The following ZMYND11 variants were observed in gnomAD, a reference collection of about 807,000 sequenced individuals.
The protein encoded by ZMYND11 is zinc finger MYND-type containing 11.
Under a neutral mutation model 84.9 loss-of-function variants are expected in ZMYND11, and 9 were observed. That is an observed-to-expected ratio of 0.11 (90% CI 0.06 to 0.18). The LOEUF (loss-of-function observed/expected upper bound fraction) is 0.18, where lower values mean the gene tolerates loss of function less well. Among genes scored for constraint, ZMYND11 ranks in the 10% least tolerant of loss-of-function variants. The pLI, the probability that ZMYND11 is intolerant of heterozygous loss-of-function variation, is 1.00. For synonymous variants in ZMYND11, 250 were observed against 244.1 expected (o/e 1.02, Z -0.23); for missense variants, 409 against 761.0 (o/e 0.54, Z 5.44).
chr10:240,199 G>T (rs1950637214), intron 8 of ZMYND11, 88 bp downstream of exon 8: 5 of 1,192,092 alleles, frequency 4.2e-6, no homozygotes, highest in Admixed American at 2.3e-5. Context: ...TTTTAGTTGT[G>T]CCATTTCCTT....
intron 2 of ZMYND11, among the ~76,000 whole-genome samples, chr10:195,095 C>T (rs560300896): frequency 8.5e-5 from 13 of 152,244 alleles, no homozygotes; most frequent in Admixed American, 6.5e-4. Flanking sequence ...GACTCACAAA[C>T]TGACTTCTGA....
At chr10:184,633 T>G (rs556622850) in intron 2 of ZMYND11, among the ~76,000 whole-genome samples, 1 of 152,340 alleles carries the variant, frequency 6.6e-6, no homozygotes, top group South Asian at 2.1e-4. Context: ...AGACCGTAGA[T>G]TCTAGCTTCC....
chr10:143,746 A>G (rs1554754491), intron 1 of ZMYND11, among the ~76,000 whole-genome samples: 1 of 152,200 alleles, frequency 6.6e-6, no homozygotes, highest in Non-Finnish European at 1.5e-5. Context: ...ATTTCACAAT[A>G]CTTATTTTAC....
chr10:223,879 A>G (rs1404986386), intron 4 of ZMYND11, among the ~76,000 whole-genome samples: 2 of 152,184 alleles, frequency 1.3e-5, no homozygotes, highest in East Asian at 3.8e-4. Context: ...ATCATGGACT[A>G]AGAGAACCTA....
intron 3 of ZMYND11, among the ~76,000 whole-genome samples, chr10:220,716 TGAGAA>T (rs1291028147): frequency 3.3e-5 from 5 of 151,864 alleles, no homozygotes; most frequent in Non-Finnish European, 7.4e-5. Context: ...GTGCCACAGA[TGAGAA>T]GATAAGAATA....
At chr10:178,460 G>A (rs1847142491) in intron 1 of ZMYND11, among the ~76,000 whole-genome samples, 1 of 152,084 alleles carries the variant, frequency 6.6e-6, no homozygotes, top group Non-Finnish European at 1.5e-5. Context: ...CCTTACCAAT[G>A]AATTCCTTCC....
chr10:164,253 T>C (rs1843513828), intron 1 of ZMYND11, among the ~76,000 whole-genome samples: 1 of 152,158 alleles, frequency 6.6e-6, no homozygotes. Context: ...CCGAGTTCTT[T>C]CTCAATTAAC....
At chr10:145,204 GTA>G (rs1235540387) in intron 1 of ZMYND11, among the ~76,000 whole-genome samples, 13 of 146,790 alleles carry the variant, frequency 8.9e-5, no homozygotes, top group African/African-American at 2.0e-4. Context: ...ATATGTGTGT[GTA>G]TATATATGTA....
chr10:247,947 A>C (rs981779697), intron 12 of ZMYND11, among the ~76,000 whole-genome samples: 2 of 152,268 alleles, frequency 1.3e-5, no homozygotes, highest in African/African-American at 4.8e-5. Context: ...GAAGTGGTTT[A>C]GGATTTGAGG....
intron 4 of ZMYND11, among the ~76,000 whole-genome samples, chr10:221,958 A>G (rs1394743027): frequency 6.6e-6 from 1 of 152,142 alleles, no homozygotes; most frequent in African/African-American, 2.4e-5. Context: ...CATTGATCCC[A>G]CTGAGGAATA....
At chr10:198,028 G>C (rs1318529746) in intron 2 of ZMYND11, 3 of 587,400 alleles carry the variant, frequency 5.1e-6, no homozygotes, top group Non-Finnish European at 9.2e-6. Flanking sequence ...TTAAAAAGTT[G>C]GTAAAATTTG....
intron 4 of ZMYND11, among the ~76,000 whole-genome samples, chr10:225,751 C>T (rs936116646): frequency 6.6e-6 from 1 of 152,156 alleles, no homozygotes; most frequent in Non-Finnish European, 1.5e-5. Context: ...CTTGGACCTG[C>T]GTATGTGTGC....
chr10:158,412 C>CTTTTTTTTTTTTTTTTTTTTTTTTTTTTT (rs372896551), intron 1 of ZMYND11, among the ~76,000 whole-genome samples: 1 of 142,484 alleles, frequency 7.0e-6, no homozygotes. Context: ...TTGTCTTTTC[C>CTTTTTTTTTTTTTTTTTTTTTTTTTTTTT]TTTTTTTTTT....
upstream of ZMYND11, chr10:134,673 C>A (rs1835472131): frequency 2.6e-5 from 4 of 152,260 alleles, no homozygotes; most frequent in Admixed American, 2.6e-4. Flanking sequence ...GTTCCGGACC[C>A]CGCGAGCCAG....
intron 2 of ZMYND11, among the ~76,000 whole-genome samples, chr10:188,314 C>CTG (rs998754238): frequency 6.6e-6 from 1 of 151,946 alleles, no homozygotes; most frequent in African/African-American, 2.4e-5. Context: ...AGACCATGTG[C>CTG]TGTGGTTCAC....
At chr10:140,574 C>CA (rs1271085402) in intron 1 of ZMYND11, among the ~76,000 whole-genome samples, 16 of 152,258 alleles carry the variant, frequency 1.1e-4, no homozygotes, top group African/African-American at 3.1e-4. Flanking sequence ...TAACTCAATT[C>CA]AAAAAATAAC....
rs376360360 is a variant in ZMYND11 at position 247,486 on chromosome 10, G to C, written c.1227+20G>C. The C allele has an allele frequency of 6.2e-7, 1 of 1,610,968 alleles. No individual in the cohort carries two copies. Among genetic ancestry groups the C allele is most frequent in the Non-Finnish European group, 8.5e-7 (1 of 1,177,554 alleles). On this transcript the variant is annotated intron_variant, in intron 12 of 14. Coordinates refer to ENST00000381604, the MANE Select transcript of ZMYND11 (RefSeq NM_001370100.5). ...AAGGAAGTAAGTTGCCCACCTCGCA[G>C]TATCCAGGTGGCAAATGAAACAGGA... is the stretch of plus-strand genomic sequence containing the variant.
chr10:158,827 G>GTACT (rs1554760367), intron 1 of ZMYND11, among the ~76,000 whole-genome samples: 1 of 151,842 alleles, frequency 6.6e-6, no homozygotes, highest in East Asian at 1.9e-4. Flanking sequence ...ATCTTTTTAT[G>GTACT]TACTTACTGG....
intron 1 of ZMYND11, among the ~76,000 whole-genome samples, chr10:172,685 G>A (rs9419436): frequency 0.93 from 141,026 of 152,198 alleles, 65,689 homozygotes; most frequent in Non-Finnish European, 0.98. Flanking sequence ...TTTTATGTAT[G>A]GATTCATGTA....
Sources: gnomAD v4.1 joint callset for allele counts (sites outside exome capture counted in the v4.1 genomes callset) on GRCh38, gnomAD v4.1.1 for gene constraint, MANE v1.5 for transcripts, NCBI Gene and HGNC (gene_info 2026-07-23, HGNC 2026-07-21) for gene names.